EPHA6: variants seen among roughly 807,000 people sequenced by gnomAD.
EPHA6 encodes the protein EPH receptor A6, also known as ephrin type-A receptor 6.
EPHA6 carries 50 observed loss-of-function variants against 112.0 expected under a neutral mutation model. The observed-to-expected ratio is 0.45, with a 90% CI of 0.36 to 0.56. The LOEUF (loss-of-function observed/expected upper bound fraction) is 0.56, where lower values mean the gene tolerates loss of function less well. Ranked by LOEUF, EPHA6 falls within the 20% of genes least tolerant of loss-of-function variation. The probability of loss-of-function intolerance (pLI) is 0.00; values close to 1 mark genes in which losing one functional copy is unlikely to be tolerated. For missense variants in EPHA6, 1,280 were observed against 1,417.4 expected, an observed-to-expected ratio of 0.90 and a Z score of 1.56; for synonymous variants, 529 against 490.7, an observed-to-expected ratio of 1.08 and a Z score of -1.03.
chr3:96,943,598 A>G (rs962068638), intron 2 of EPHA6, among the ~76,000 whole-genome samples: 1 of 152,244 alleles, frequency 6.6e-6, no homozygotes, highest in Middle Eastern at 3.2e-3. Flanking sequence ...TAAAAACATA[A>G]GCAGTTAACA....
chr3:97,558,993 C>A (rs759744691), intron 11 of EPHA6, among the ~76,000 whole-genome samples: 1 of 151,930 alleles, frequency 6.6e-6, no homozygotes. Flanking sequence ...GACATGCATG[C>A]AGTTAAGAAC....
At chr3:97,221,181 T>TG (rs928918624) in intron 3 of EPHA6, among the ~76,000 whole-genome samples, 1 of 150,924 alleles carries the variant, frequency 6.6e-6, no homozygotes, top group African/African-American at 2.4e-5. Context: ...GGCATGGTGG[T>TG]GCATGCCTGA....
At chr3:97,272,566 G>GCGAAGGGAGCTAGGGGTAAGGC (rs1262714823) in intron 5 of EPHA6, among the ~76,000 whole-genome samples, 1 of 152,114 alleles carries the variant, frequency 6.6e-6, no homozygotes, top group Non-Finnish European at 1.5e-5. Context: ...AAGAGAGTCA[G>GCGAAGGGAGCTAGGGGTAAGGC]CGAAGGGAGC....
intron 11 of EPHA6, among the ~76,000 whole-genome samples, chr3:97,588,381 G>C (rs2093511433): frequency 6.6e-6 from 1 of 152,178 alleles, no homozygotes; most frequent in Non-Finnish European, 1.5e-5. Flanking sequence ...TATTAAGTCA[G>C]TGTATCTATT....
At chr3:96,884,118 A>G (rs143329879) in intron 2 of EPHA6, among the ~76,000 whole-genome samples, 33 of 152,226 alleles carry the variant, frequency 2.2e-4, no homozygotes, top group African/African-American at 7.7e-4. Flanking sequence ...TTTGGTGACT[A>G]TGGCCTTACA....
At chr3:97,640,779 T>C (rs1245966924) in intron 14 of EPHA6, among the ~76,000 whole-genome samples, 1 of 149,858 alleles carries the variant, frequency 6.7e-6, no homozygotes, top group Non-Finnish European at 1.5e-5. Context: ...AAACTCCATT[T>C]CAAAAAAAAA....
At chr3:97,612,121 C>G (rs2093725290) in intron 13 of EPHA6, among the ~76,000 whole-genome samples, 1 of 151,968 alleles carries the variant, frequency 6.6e-6, no homozygotes, top group Admixed American at 6.6e-5. Flanking sequence ...TTTCTGTAGC[C>G]ATTCTAAAAA....
intron 2 of EPHA6, among the ~76,000 whole-genome samples, chr3:96,979,572 G>A (rs1378131800): frequency 1.1e-4 from 16 of 152,140 alleles, no homozygotes; most frequent in Non-Finnish European, 2.4e-4. Flanking sequence ...ACCCAGTAAT[G>A]GGATGGCTGG....
In EPHA6 at chr3:97,482,415, T is replaced by C. The variant is rs181269557; in HGVS notation, c.2075-1519T>C. The stretch of plus-strand genomic sequence containing the variant: ...TGGAATATAAAATAGAGGTACAAAC[T>C]ATCTGTTCTCATTTTCTTCAATGGA... On this transcript the variant is annotated intron_variant, in intron 9 of 17. Coordinates refer to ENST00000389672, the MANE Select transcript of EPHA6 (RefSeq NM_001080448.3). 6.6e-5 allele frequency among the ~76,000 whole-genome samples: 10 copies of C among 152,314 alleles called. No individual in the cohort carries two copies. In the East Asian group the frequency reaches 1.9e-3, roughly 29 times the overall value.
chr3:96,834,108 A>T (rs2034254293), intron 1 of EPHA6, among the ~76,000 whole-genome samples: 1 of 151,982 alleles, frequency 6.6e-6, no homozygotes, highest in African/African-American at 2.4e-5. Flanking sequence ...TTTCTGGAGG[A>T]AGACTAAAAG....
chr3:97,221,189 TGAGAA>T (rs1210780079), intron 3 of EPHA6, among the ~76,000 whole-genome samples: 1 of 151,038 alleles, frequency 6.6e-6, no homozygotes, highest in Non-Finnish European at 1.5e-5. Context: ...GGTGCATGCC[TGAGAA>T]CCCAACTCGG....
At chr3:97,588,591 T>C (rs1012033740) in intron 11 of EPHA6, among the ~76,000 whole-genome samples, 3 of 152,258 alleles carry the variant, frequency 2.0e-5, no homozygotes, top group Non-Finnish European at 4.4e-5. Context: ...TGGGGGAATC[T>C]GCATTAGGAA....
chr3:96,997,195 A>C (rs139689456), intron 3 of EPHA6, among the ~76,000 whole-genome samples: 194 of 152,152 alleles, frequency 1.3e-3, no homozygotes, highest in Admixed American at 4.4e-3. Flanking sequence ...GCTTAAGGGA[A>C]TGTTATGGCT....
intron 5 of EPHA6, among the ~76,000 whole-genome samples, chr3:97,349,775 T>C (rs1045137014): frequency 2.0e-5 from 3 of 152,032 alleles, no homozygotes; most frequent in African/African-American, 7.2e-5. Flanking sequence ...AAGTCTTCAT[T>C]GAGCAGGAGT....
chr3:96,890,121 TA>T (rs201453352), intron 2 of EPHA6, among the ~76,000 whole-genome samples: 9,284 of 140,654 alleles, frequency 0.066, 346 homozygotes, highest in African/African-American at 0.079. Context: ...ACCCCCAAAA[TA>T]AAAAAAAAAA....
chr3:97,564,942 A>G (rs1013240272), intron 11 of EPHA6, among the ~76,000 whole-genome samples: 2 of 152,168 alleles, frequency 1.3e-5, no homozygotes, highest in African/African-American at 4.8e-5. Flanking sequence ...ATACCATTCT[A>G]TTCCCAATGT....
rs1242979033 is a variant in EPHA6, at chr3:97,752,906, A to T, written c.*4205A>T. Among the ~76,000 whole-genome samples the T allele has an allele frequency of 6.6e-6, 1 of 152,104 alleles. No homozygotes were observed. Among genetic ancestry groups the T allele is most frequent in the African/African-American group, 2.4e-5 (1 of 41,434 alleles). ...ATGTATCACTTCTTTTAGTATGAGC[A>T]TCTTAACTTTTCCAATCTCAAATTC... On this transcript the variant is annotated 3_prime_UTR_variant, in exon 18 of 18. Transcript: ENST00000389672.
intron 5 of EPHA6, among the ~76,000 whole-genome samples, chr3:97,325,516 C>A (rs993031688): frequency 7.2e-5 from 11 of 152,072 alleles, no homozygotes; most frequent in Admixed American, 2.0e-4. Context: ...TCTAGAAATA[C>A]TCTGAGGTAC....
At chr3:97,416,532 T>G (rs1461034167) in intron 6 of EPHA6, among the ~76,000 whole-genome samples, 2 of 152,098 alleles carry the variant, frequency 1.3e-5, no homozygotes, top group African/African-American at 4.8e-5. Context: ...GGTAAGGAAC[T>G]TGGCAAGTTG....
Sources: gnomAD v4.1 joint callset for allele counts (sites outside exome capture counted in the v4.1 genomes callset) on GRCh38, gnomAD v4.1.1 for gene constraint, MANE v1.5 for transcripts, NCBI Gene and HGNC (gene_info 2026-07-23, HGNC 2026-07-21) for gene names.